KCNH7: variants seen among roughly 807,000 people sequenced by gnomAD.
KCNH7 encodes the protein voltage-gated inwardly rectifying potassium channel KCNH7.
A neutral mutation model predicts 120.8 loss-of-function variants in KCNH7; 49 were observed. The observed-to-expected ratio is 0.41, with a 90% CI of 0.32 to 0.51. The LOEUF is 0.51. KCNH7 is among the 20% of genes least tolerant of loss of function. KCNH7 has a pLI of 0.38. For synonymous variants in KCNH7, 547 were observed against 516.1 expected, an observed-to-expected ratio of 1.06 and a Z score of -0.81; for missense variants, 1,097 against 1,446.6, an observed-to-expected ratio of 0.76 and a Z score of 3.92.
intron 6 of KCNH7, among the ~76,000 whole-genome samples, chr2:162,471,055 G>C (rs982477702): frequency 1.3e-4 from 20 of 152,170 alleles, no homozygotes; most frequent in African/African-American, 4.1e-4. Flanking sequence ...CAGCATGCTT[G>C]TTAAGAGTCA....
chr2:162,541,582 T>A lies in KCNH7; in HGVS notation c.308-4502A>T, dbSNP rs180779227. On this transcript the variant is annotated intron_variant, in intron 2 of 15. Transcript: ENST00000332142. ...GAAGCCATTATCCTCAGCAAAGTAA[T>A]GCAGGAACAGAAAACCAAACACTGC... Among the ~76,000 whole-genome samples, 607 of 152,066 alleles carry A rather than the reference T, an allele frequency of 4.0e-3. 7 individuals carry two copies. Among genetic ancestry groups the A allele is most frequent in the African/African-American group, 0.014 (584 of 41,482 alleles).
At chr2:162,651,795 G>T (rs1488341817) in intron 2 of KCNH7, among the ~76,000 whole-genome samples, 1 of 152,088 alleles carries the variant, frequency 6.6e-6, no homozygotes, top group Non-Finnish European at 1.5e-5. Context: ...TTCTACAATG[G>T]TTGAGTTAAT....
Position 162,560,165 on chromosome 2 carries a change from A to G in KCNH7, c.308-23085T>C, listed in dbSNP as rs1453500015. On this transcript the variant is annotated intron_variant, in intron 2 of 15. Transcript: ENST00000332142. ...TCATGTTCCCAGAATTCAATGAAGT[A>G]AATGTCAAATTGCATTGCCACAAAA... 2.0e-5 allele frequency among the ~76,000 whole-genome samples: 3 copies of G among 152,230 alleles called. No homozygotes were observed. The East Asian group carries it at 5.8e-4, about 29-fold the overall frequency.
intron 2 of KCNH7, among the ~76,000 whole-genome samples, chr2:162,826,567 T>C (rs1171928972): frequency 6.6e-6 from 1 of 152,170 alleles, no homozygotes; most frequent in Middle Eastern, 3.2e-3. Flanking sequence ...ATTTCTCAGT[T>C]AATAAACAAT....
intron 2 of KCNH7, among the ~76,000 whole-genome samples, chr2:162,635,604 C>T (rs1169617298): frequency 6.6e-6 from 1 of 151,996 alleles, no homozygotes; most frequent in Non-Finnish European, 1.5e-5. Flanking sequence ...AATCACAATT[C>T]CTGCTAATTC....
intron 8 of KCNH7, 143 bp from the exon 9 acceptor site, chr2:162,423,678 C>T (rs1431835419): frequency 2.9e-6 from 2 of 695,990 alleles, no homozygotes; most frequent in African/African-American, 1.8e-5. Flanking sequence ...AGAAGTTAAA[C>T]TAAAACTGCT....
chr2:162,411,734 A>T (rs902701798), intron 9 of KCNH7, among the ~76,000 whole-genome samples: 8 of 151,748 alleles, frequency 5.3e-5, no homozygotes, highest in African/African-American at 1.9e-4. Context: ...AACTATTAAG[A>T]TATTTATTAA....
At chr2:162,503,467 C>T (rs951593595) in intron 6 of KCNH7, among the ~76,000 whole-genome samples, 4 of 151,888 alleles carry the variant, frequency 2.6e-5, no homozygotes, top group African/African-American at 7.3e-5. Flanking sequence ...TCAAGAATGG[C>T]GTGTATAATT....
intron 2 of KCNH7, among the ~76,000 whole-genome samples, chr2:162,628,074 G>C (rs554622323): frequency 6.6e-6 from 1 of 152,230 alleles, no homozygotes; most frequent in South Asian, 2.1e-4. Context: ...TATCTAGATA[G>C]AATCTTTTCA....
chr2:162,625,190 C>A (rs544069624), intron 2 of KCNH7, among the ~76,000 whole-genome samples: 1 of 152,208 alleles, frequency 6.6e-6, no homozygotes, highest in South Asian at 2.1e-4. Flanking sequence ...AGCCACCATG[C>A]CAAGTCAAAG....
chr2:162,833,771 A>G (rs1263651878), intron 2 of KCNH7, among the ~76,000 whole-genome samples: 1 of 152,124 alleles, frequency 6.6e-6, no homozygotes, highest in African/African-American at 2.4e-5. Context: ...ACGGGTTTAA[A>G]TTGCTTATAA....
chr2:162,690,359 C>G (rs949712812), intron 2 of KCNH7, among the ~76,000 whole-genome samples: 1 of 151,892 alleles, frequency 6.6e-6, no homozygotes, highest in Admixed American at 6.6e-5. Flanking sequence ...CAAACCTGCA[C>G]TTGTACCCAT....
chr2:162,784,980 T>C (rs1195513542), intron 2 of KCNH7: 1 of 152,222 alleles, frequency 6.6e-6, no homozygotes, highest in East Asian at 1.9e-4. Context: ...TAACTCCTGG[T>C]TAACCTCCAC....
At chr2:162,414,531 G>T (rs1687484183) in intron 9 of KCNH7, among the ~76,000 whole-genome samples, 1 of 151,692 alleles carries the variant, frequency 6.6e-6, no homozygotes, top group Admixed American at 6.6e-5. Context: ...CCAAGTTGGA[G>T]ATATTTTCAC....
In KCNH7 at chr2:162,744,568, C is replaced by CTT. The variant is rs144013923; in HGVS notation, c.307+91967_307+91968dup. 1.6e-3 allele frequency among the ~76,000 whole-genome samples: 180 copies of CTT among 115,286 alleles called. 2 individuals are homozygous for CTT. The highest frequency in any genetic ancestry group is 2.0e-3 in the Admixed American group (21 of 10,418). The allele number at this position is 115,286 out of a possible 152,430, so 75.6% of individuals were successfully genotyped here. On this transcript the variant is annotated intron_variant, in intron 2 of 15. Coordinates refer to ENST00000332142, the MANE Select transcript of KCNH7 (RefSeq NM_033272.4). ...TACAGTTATATTCTAATTCACAGAA[C>CTT]TTTTTTTTTTTTTTTTTTTTTTGAT... is the stretch of plus-strand genomic sequence containing the variant.
chr2:162,573,737 T>G lies in KCNH7; in HGVS notation c.308-36657A>C, dbSNP rs182722627. Among the ~76,000 whole-genome samples the G allele has an allele frequency of 3.0e-3, 464 of 152,132 alleles. 2 individuals are homozygous for G. Among genetic ancestry groups the G allele is most frequent in the African/African-American group, 0.011 (442 of 41,536 alleles). On this transcript the variant is annotated intron_variant, in intron 2 of 15. Coordinates refer to ENST00000332142, the MANE Select transcript of KCNH7 (RefSeq NM_033272.4). ...TATTCTAGGTACTGCTTTGGAAAAT[T>G]TATCCAACATGTTGTTATGTTCAAT...
chr2:162,489,349 C>T (rs867637511), intron 6 of KCNH7, among the ~76,000 whole-genome samples: 2 of 151,986 alleles, frequency 1.3e-5, no homozygotes, highest in Non-Finnish European at 2.9e-5. Flanking sequence ...ATTAAGTACA[C>T]TAACACTAAT....
At chr2:162,581,206 G>A (rs780495080) in intron 2 of KCNH7, among the ~76,000 whole-genome samples, 1 of 152,052 alleles carries the variant, frequency 6.6e-6, no homozygotes, top group African/African-American at 2.4e-5. Context: ...AATAGTGGTT[G>A]CTTTCTTTAT....
intron 6 of KCNH7, among the ~76,000 whole-genome samples, chr2:162,489,033 T>C (rs376055512): frequency 2.0e-5 from 3 of 152,210 alleles, no homozygotes; most frequent in African/African-American, 7.2e-5. Flanking sequence ...AATTCGGTAT[T>C]TTAAACTGAA....
Sources: allele counts gnomAD v4.1 joint callset (sites outside exome capture counted in the v4.1 genomes callset), GRCh38; gene constraint gnomAD v4.1.1; transcripts MANE v1.5; gene names NCBI Gene and HGNC (gene_info 2026-07-23, HGNC 2026-07-21).